The following ENOX2 variants were observed in gnomAD, a reference collection of about 807,000 sequenced individuals.
ENOX2 encodes ecto-NOX disulfide-thiol exchanger 2.
Under a neutral mutation model 45.0 loss-of-function variants are expected in ENOX2, and 36 were observed. The observed-to-expected ratio is 0.80, with a 90% CI of 0.61 to 1.06. ENOX2 has a LOEUF of 1.06. Among genes scored for constraint, ENOX2 ranks in the 50% least tolerant of loss-of-function variants. The probability of loss-of-function intolerance (pLI) is 0.00; values close to 1 mark genes in which losing one functional copy is unlikely to be tolerated. For missense variants in ENOX2, 423 were observed against 462.5 expected, an observed-to-expected ratio of 0.91 and a Z score of 0.78; for synonymous variants, 174 against 152.3, an observed-to-expected ratio of 1.14 and a Z score of -1.05.
intron 13 of ENOX2, among the ~76,000 whole-genome samples, chrX:130,629,195 T>G (rs377679250): frequency 1.8e-5 from 2 of 112,398 alleles, no homozygotes; most frequent in Admixed American, 9.4e-5. Context: ...CTTAAACGAC[T>G]AGATAAATTG....
intron 2 of ENOX2, among the ~76,000 whole-genome samples, chrX:130,797,671 C>T (rs1355707001): frequency 4.5e-5 from 5 of 111,440 alleles, no homozygotes; most frequent in African/African-American, 1.3e-4. Flanking sequence ...AAAACTTGAC[C>T]GAGCAGCTTG....
intron 6 of ENOX2, among the ~76,000 whole-genome samples, chrX:130,678,437 T>G (rs1224454235): frequency 1.8e-5 from 2 of 110,299 alleles, no homozygotes; most frequent in African/African-American, 6.6e-5. Context: ...TTGCCTGCCT[T>G]TCAGATTTCA....
intron 3 of ENOX2, among the ~76,000 whole-genome samples, chrX:130,743,343 G>A (rs1011393622): frequency 3.6e-5 from 4 of 111,936 alleles, no homozygotes; most frequent in African/African-American, 9.8e-5. Context: ...TCCAGAGCCT[G>A]AGAAGTAATA....
chrX:130,766,584 G>A (rs1293949155), intron 3 of ENOX2, among the ~76,000 whole-genome samples: 2 of 111,144 alleles, frequency 1.8e-5, no homozygotes, highest in Admixed American at 9.6e-5. Flanking sequence ...ATTCTGTTTT[G>A]AAATGTATAC....
chrX:130,662,651 G>T (rs16999750), intron 9 of ENOX2, among the ~76,000 whole-genome samples: 1,512 of 111,147 alleles, frequency 0.014, 20 homozygotes, highest in African/African-American at 0.047. Flanking sequence ...CCTCACAGTT[G>T]CCTGCTATCA....
intron 2 of ENOX2, among the ~76,000 whole-genome samples, chrX:130,802,069 C>T (rs2077226684): frequency 8.9e-6 from 1 of 111,848 alleles, no homozygotes; most frequent in African/African-American, 3.2e-5. Context: ...CTCCCCCTGC[C>T]GCCCACATGC....
chrX:130,684,315 C>A (rs769946672), intron 5 of ENOX2, among the ~76,000 whole-genome samples: 5 of 111,787 alleles, frequency 4.5e-5, no homozygotes, highest in Non-Finnish European at 9.4e-5. Context: ...ATATGACTAT[C>A]CCCAGATCCC....
intron 3 of ENOX2, among the ~76,000 whole-genome samples, chrX:130,719,475 A>C (rs1339195199): frequency 1.8e-5 from 2 of 110,213 alleles, no homozygotes; most frequent in Admixed American, 9.7e-5. Context: ...AAAAAAAAAA[A>C]AAAACCAGAC....
chrX:130,813,165 T>C (rs770795484), intron 2 of ENOX2, among the ~76,000 whole-genome samples: 5 of 112,027 alleles, frequency 4.5e-5, no homozygotes, highest in Admixed American at 9.5e-5. Context: ...ATACTCAACC[T>C]ACACTGGCAT....
chrX:130,842,497 C>T (rs1209589609), intron 2 of ENOX2, among the ~76,000 whole-genome samples: 5 of 111,763 alleles, frequency 4.5e-5, no homozygotes, highest in Non-Finnish European at 9.4e-5. Flanking sequence ...ATGTGGCCTG[C>T]ATTTGCTCTT....
intron 2 of ENOX2, among the ~76,000 whole-genome samples, chrX:130,883,354 AC>A (rs906776728): frequency 1.8e-5 from 2 of 109,384 alleles, no homozygotes; most frequent in South Asian, 4.0e-4. Flanking sequence ...CAAGTGATCC[AC>A]CCCCCTCGGC....
At chrX:130,810,964 A>G (rs776362207) in intron 2 of ENOX2, among the ~76,000 whole-genome samples, 4 of 111,716 alleles carry the variant, frequency 3.6e-5, no homozygotes, top group Non-Finnish European at 7.5e-5. Flanking sequence ...AGTCTCTGTT[A>G]CCCAAGGCTT....
At chrX:130,855,679 T>G (rs1373672292) in intron 2 of ENOX2, among the ~76,000 whole-genome samples, 2 of 111,515 alleles carry the variant, frequency 1.8e-5, no homozygotes, top group Admixed American at 1.9e-4. Flanking sequence ...GCTCTAGACA[T>G]GACACCAAAG....
chrX:130,735,034 G>A (rs780542128), intron 3 of ENOX2, among the ~76,000 whole-genome samples: 1 of 112,225 alleles, frequency 8.9e-6, no homozygotes, highest in Non-Finnish European at 1.9e-5. Flanking sequence ...GCAGCTTTTG[G>A]GAACTGGCTG....
intron 3 of ENOX2, among the ~76,000 whole-genome samples, chrX:130,762,058 TTTCTC>T (rs2148354588): frequency 8.9e-6 from 1 of 112,151 alleles, no homozygotes; most frequent in African/African-American, 3.2e-5. Flanking sequence ...ATTTCATTGA[TTTCTC>T]TTCTTATCTT....
At chrX:130,854,445 C>A (rs1422298304) in intron 2 of ENOX2, among the ~76,000 whole-genome samples, 1 of 111,492 alleles carries the variant, frequency 9.0e-6, no homozygotes, top group African/African-American at 3.3e-5. Context: ...GTTTGTATGA[C>A]TGAATTCTCA....
chrX:130,779,178 A>C (rs1451921145), intron 3 of ENOX2, among the ~76,000 whole-genome samples: 1 of 112,557 alleles, frequency 8.9e-6, no homozygotes. Flanking sequence ...TTTGCTATAG[A>C]GTACCATCTG....
chrX:130,768,627 C>A (rs2039669879), intron 3 of ENOX2, among the ~76,000 whole-genome samples: 1 of 111,836 alleles, frequency 8.9e-6, no homozygotes, highest in Admixed American at 9.5e-5. Flanking sequence ...AAATTCTTGT[C>A]CTGGAGGAAA....
intron 3 of ENOX2, among the ~76,000 whole-genome samples, chrX:130,706,037 T>C (rs1043838440): frequency 1.2e-4 from 13 of 112,312 alleles, no homozygotes; most frequent in African/African-American, 3.6e-4. Flanking sequence ...AACCACCTCA[T>C]TGGAATTAAT....
Sources: allele counts gnomAD v4.1 joint callset (sites outside exome capture counted in the v4.1 genomes callset), GRCh38; gene constraint gnomAD v4.1.1; transcripts MANE v1.5; gene names NCBI Gene and HGNC (gene_info 2026-07-23, HGNC 2026-07-21).